Variants in LRRC74A observed in about 807,000 individuals in gnomAD.
LRRC74A encodes the protein leucine-rich repeat-containing protein 74A.
A neutral mutation model predicts 57.9 loss-of-function variants in LRRC74A; 44 were observed. That is an observed-to-expected ratio of 0.76 (90% CI 0.60 to 0.98). The LOEUF is 0.98. LRRC74A is among the 50% of genes least tolerant of loss of function. The pLI is 0.00. For synonymous variants in LRRC74A, 211 were observed against 219.4 expected (o/e 0.96, Z 0.34); for missense variants, 572 against 574.0 (o/e 1.00, Z 0.04).
rs1419011344 is a variant in LRRC74A at position 76,828,397 on chromosome 14, G to A, written c.144G>A (p.Ser48=). ...AAGTGAAACCAGCCCGGGAGAATTC[G>A]GAAACAGACCTGGAGATTGAAGGCG... The part of the protein sequence containing the change: ...VEKVKPAREN[S]ETDLEIEDDE... The change falls in exon 2 of 14, where the codon TCG becomes TCA. Residue 48 remains serine, a synonymous_variant. Transcript: ENST00000689127. 20 of 1,613,844 alleles carry A rather than the reference G, an allele frequency of 1.2e-5. No individual in the cohort carries two copies. Among genetic ancestry groups the A allele is most frequent in the African/African-American group, 2.7e-5 (2 of 74,906 alleles).
Position 76,846,287 on chromosome 14 carries a change from G to A in LRRC74A, c.676+1386G>A, listed in dbSNP as rs183159811. Among the ~76,000 whole-genome samples, 3 of 152,232 alleles carry A rather than the reference G, an allele frequency of 2.0e-5. No individual in the cohort carries two copies. The East Asian group carries it at 5.8e-4, about 29-fold the overall frequency. Reference sequence around the variant, plus strand: ...AAAGCCAGTGAATGTCAAAGGCTGCGGACAACCGAGCGAAATAAGAATACT... The same window carrying A: ...AAAGCCAGTGAATGTCAAAGGCTGCAGACAACCGAGCGAAATAAGAATACT... On this transcript the variant is annotated intron_variant, in intron 7 of 13. Coordinates refer to ENST00000689127, the MANE Select transcript of LRRC74A (RefSeq NM_001385106.1).
In LRRC74A at chr14:76,837,957, G is replaced by A. The variant is rs775721380; in HGVS notation, c.530G>A (p.Ser177Asn). The change falls in exon 5 of 14, where the codon AGC (serine) becomes AAC (asparagine). Residue 177 changes from serine to asparagine, a missense_variant. Transcript: ENST00000689127. ...GAGAGAAACAGTTCTTCTATCTGGAGCCTTGAGCTTTCAGGTGAGCACATG... is the reference window on the plus strand; with the variant it reads ...GAGAGAAACAGTTCTTCTATCTGGAACCTTGAGCTTTCAGGTGAGCACATG... ...FFERNSSSIW[S>N]LELSGNDFKE... is the part of the protein sequence containing the mutation. 1 of 1,573,600 alleles carries A rather than the reference G, an allele frequency of 6.4e-7. No individual in the cohort carries two copies. Among genetic ancestry groups the A allele is most frequent in the Non-Finnish European group, 8.6e-7 (1 of 1,157,172 alleles).
At chr14:76,863,322 GAA>G (rs1898476672) in intron 11 of LRRC74A, among the ~76,000 whole-genome samples, 1 of 152,072 alleles carries the variant, frequency 6.6e-6, no homozygotes, top group Non-Finnish European at 1.5e-5. Context: ...TGCAGATGGG[GAA>G]AGTGCCTGCC....
At chr14:76,869,529 G>A (rs1401651545) in intron 13 of LRRC74A, among the ~76,000 whole-genome samples, 1 of 152,170 alleles carries the variant, frequency 6.6e-6, no homozygotes, top group East Asian at 1.9e-4. Flanking sequence ...GAGGCTGGTG[G>A]AGCACGAGGT....
At chr14:76,861,429 TTC>T (rs1898298272) in intron 11 of LRRC74A, among the ~76,000 whole-genome samples, 1 of 152,194 alleles carries the variant, frequency 6.6e-6, no homozygotes, top group African/African-American at 2.4e-5. Context: ...GACTCATGTT[TTC>T]TTAGATTATC....
chr14:76,837,674 C>G (rs1331088592), intron 4 of LRRC74A, among the ~76,000 whole-genome samples: 1 of 152,130 alleles, frequency 6.6e-6, no homozygotes, highest in African/African-American at 2.4e-5. Context: ...CACCGGGAGG[C>G]CCTGGAAAAG....
chr14:76,866,162 C>CA (rs1898778726), intron 12 of LRRC74A, 87 bp downstream of exon 12: 1 of 1,033,604 alleles, frequency 9.7e-7, no homozygotes, highest in Non-Finnish European at 1.5e-6. Context: ...GGAGAAGGAG[C>CA]AAAAGAGCTT....
chr14:76,865,359 G>C (rs1411024669), intron 11 of LRRC74A, among the ~76,000 whole-genome samples: 1 of 151,976 alleles, frequency 6.6e-6, no homozygotes, highest in Admixed American at 6.6e-5. Context: ...GGGGGTCCTG[G>C]AACCAATCCC....
At chr14:76,829,022 G>A (rs185426306) in intron 2 of LRRC74A, 37 of 1,289,276 alleles carry the variant, frequency 2.9e-5, no homozygotes, top group Non-Finnish European at 3.4e-5. Context: ...CCTGGGTATC[G>A]GGACTGGCTG....
At chr14:76,837,112 A>C (rs1364759853) in intron 4 of LRRC74A, among the ~76,000 whole-genome samples, 1 of 152,214 alleles carries the variant, frequency 6.6e-6, no homozygotes, top group Non-Finnish European at 1.5e-5. Context: ...ACTGCACTCC[A>C]GCCTGGGTGA....
Position 76,828,381 on chromosome 14 carries a change from C to A in LRRC74A, c.128C>A (p.Pro43Gln). The change falls in exon 2 of 14, where the codon CCA becomes CAA. Residue 43 changes from proline (P) to glutamine (Q), a missense_variant. Pro to Gln is a moderately conservative substitution (Grantham distance 76, BLOSUM62 -1). Transcript: ENST00000689127. ...ESPPTVEKVK[P>Q]ARENSETDLE... ...CCGCCGACTGTTGAAAAAGTGAAACCAGCCCGGGAGAATTCGGAAACAGAC... is the reference window on the plus strand; with the variant it reads ...CCGCCGACTGTTGAAAAAGTGAAACAAGCCCGGGAGAATTCGGAAACAGAC... 6.2e-7 allele frequency: 1 copy of A among 1,613,964 alleles called. No individual in the cohort carries two copies. The highest frequency in any genetic ancestry group is 1.3e-5 in the African/African-American group (1 of 75,052).
chr14:76,867,923 G>A (rs745572421), intron 13 of LRRC74A, among the ~76,000 whole-genome samples: 4 of 152,208 alleles, frequency 2.6e-5, no homozygotes, highest in Non-Finnish European at 2.9e-5. Flanking sequence ...GGGACTACAG[G>A]TCCCGCTACT....
At chr14:76,831,489 C>T (rs778666757) in intron 3 of LRRC74A, 114 bp downstream of exon 3, 14 of 1,134,516 alleles carry the variant, frequency 1.2e-5, no homozygotes, top group Non-Finnish European at 1.7e-5. Flanking sequence ...ACTTTATGCC[C>T]TTATGCCACA....
chr14:76,839,304 C>T (rs565782401), intron 5 of LRRC74A, among the ~76,000 whole-genome samples: 1 of 152,296 alleles, frequency 6.6e-6, no homozygotes, highest in African/African-American at 2.4e-5. Flanking sequence ...TATAATTCTA[C>T]CAATGGACTG....
Position 76,853,389 on chromosome 14 carries a change from T to C in LRRC74A, c.936T>C (p.Asn312=). The stretch of plus-strand genomic sequence containing the variant: ...AAATCAGCAAAGGACTGGAATCCAA[T>C]GAAAGCCTCAGAGTTCTGAAGGTAG... ...ASKISKGLES[N]ESLRVLKLFL... The change falls in exon 9 of 14, where the codon AAT becomes AAC. Residue 312 remains asparagine (N), a synonymous_variant. Coordinates refer to ENST00000689127, the MANE Select transcript of LRRC74A (RefSeq NM_001385106.1). The C allele has an allele frequency of 1.2e-6, 2 of 1,609,852 alleles. No homozygotes were observed. The highest frequency in any genetic ancestry group is 1.1e-5 in the South Asian group (1 of 90,900).
At chr14:76,849,227 C>T (rs1309761688) in intron 7 of LRRC74A, among the ~76,000 whole-genome samples, 2 of 152,070 alleles carry the variant, frequency 1.3e-5, no homozygotes, top group African/African-American at 2.4e-5. Context: ...ACAATCTTGG[C>T]TCACTGCAGC....
chr14:76,862,554 CAT>C (rs1898400086), intron 11 of LRRC74A, among the ~76,000 whole-genome samples: 2 of 149,046 alleles, frequency 1.3e-5, no homozygotes, highest in Non-Finnish European at 3.0e-5. Flanking sequence ...AAAAAAGTGT[CAT>C]GTGATAAATA....
intron 11 of LRRC74A, among the ~76,000 whole-genome samples, chr14:76,863,761 T>C (rs962252508): frequency 2.6e-5 from 4 of 152,186 alleles, no homozygotes; most frequent in Non-Finnish European, 5.9e-5. Flanking sequence ...ATCAAAGAAA[T>C]GTCAGGAGGG....
chr14:76,868,908 G>A (rs1566750206), intron 13 of LRRC74A, among the ~76,000 whole-genome samples: 1 of 152,254 alleles, frequency 6.6e-6, no homozygotes, highest in African/African-American at 2.4e-5. Context: ...ACCTGGGAGG[G>A]GGCTGCAAGG....
Sources: allele counts gnomAD v4.1 joint callset (sites outside exome capture counted in the v4.1 genomes callset), GRCh38; gene constraint gnomAD v4.1.1; transcripts MANE v1.5; gene names NCBI Gene and HGNC (gene_info 2026-07-23, HGNC 2026-07-21).